Variants in ANO9 observed in about 807,000 individuals in gnomAD.
The protein encoded by ANO9 is anoctamin 9.
In ANO9, 80 loss-of-function variants were observed where a neutral mutation model predicts 100.5. The observed-to-expected ratio is 0.80, with a 90% CI of 0.66 to 0.96. The LOEUF is 0.96. Ranked by LOEUF, ANO9 falls within the 40% of genes least tolerant of loss-of-function variation. The pLI is 0.00. For synonymous variants in ANO9, 473 were observed against 435.6 expected (o/e 1.09, Z -1.07); for missense variants, 1,064 against 1,072.7 (o/e 0.99, Z 0.11).
chr11:422,513 G>A lies in ANO9; in HGVS notation c.1335-1315C>T, dbSNP rs1269060391. On this transcript the variant is annotated intron_variant, in intron 15 of 22. Transcript: ENST00000332826. This position sits in a 1 kb window ranked among gnomAD's most constrained non-coding sequence, Gnocchi z 4.3. ...ACAGGGAGCAGCTGGGAGCTGGCCT[G>A]ACTCAGAAGGAATCAGAAGGACTCA... Among the ~76,000 whole-genome samples the A allele has an allele frequency of 1.3e-5, 2 of 152,212 alleles. No individual in the cohort carries two copies. The highest frequency in any genetic ancestry group is 2.9e-5 in the Non-Finnish European group (2 of 68,042).
chr11:429,684 A>G, intron 10 of ANO9, 32 bp from the exon 11 acceptor site: 1 of 1,612,582 alleles, frequency 6.2e-7, no homozygotes, highest in Non-Finnish European at 8.5e-7. Context: ...GCATCACTGC[A>G]CTACGCCAGG....
intron 15 of ANO9, among the ~76,000 whole-genome samples, chr11:423,396 G>T (rs1848310240): frequency 6.6e-6 from 1 of 152,100 alleles, no homozygotes; most frequent in Non-Finnish European, 1.5e-5. Context: ...ATGGTGATGG[G>T]GATGGTTAGT....
At chr11:433,654 C>T (rs1212105722) in intron 3 of ANO9, among the ~76,000 whole-genome samples, 161 bp downstream of exon 3, 6 of 152,124 alleles carry the variant, frequency 3.9e-5, no homozygotes, top group African/African-American at 1.4e-4. Flanking sequence ...CCCCAATCCT[C>T]CAGCCCAGGA....
Position 430,036 on chromosome 11 carries a change from C to G in ANO9, c.771+47G>C, listed in dbSNP as rs369441724. Reference sequence around the variant, plus strand: ...TCTCCCCCGCTTCGGGTGGATGCACCGTTCCCATCTTCCGCAGGCCCTGGG... The same window carrying G: ...TCTCCCCCGCTTCGGGTGGATGCACGGTTCCCATCTTCCGCAGGCCCTGGG... On this transcript the variant is annotated intron_variant, in intron 9 of 22. Coordinates refer to ENST00000332826, the MANE Select transcript of ANO9 (RefSeq NM_001012302.3). 5.6e-4 allele frequency: 850 copies of G among 1,530,426 alleles called. 1 individual carries two copies. The highest frequency in any genetic ancestry group is 7.1e-4 in the Non-Finnish European group (806 of 1,131,494). The allele number at this position is 1,530,426 out of a possible 1,614,324, so 94.8% of individuals were successfully genotyped here.
At chr11:435,521 A>C (rs1374697109) in intron 1 of ANO9, among the ~76,000 whole-genome samples, 12 of 148,442 alleles carry the variant, frequency 8.1e-5, no homozygotes, top group Non-Finnish European at 1.5e-4. Flanking sequence ...CTAGTCTAGT[A>C]TGGTCTAGTC....
rs536007075 is a variant in ANO9 at position 441,844 on chromosome 11, G to A, written c.6+77C>T. ...CGCCTTCCAGGTGGGGCTGGCGGGG[G>A]GCTGGGGCCGGGGGCCCCAGGTGTG... is the stretch of plus-strand genomic sequence containing the variant. On this transcript the variant is annotated intron_variant, in intron 1 of 22. Coordinates refer to ENST00000332826, the MANE Select transcript of ANO9 (RefSeq NM_001012302.3). The A allele has an allele frequency of 5.0e-5, 77 of 1,553,746 alleles. No individual in the cohort carries two copies. In the East Asian group the frequency reaches 1.6e-3, roughly 32 times the overall value.
intron 19 of ANO9, 130 bp downstream of exon 19, chr11:420,333 A>C: frequency 6.8e-7 from 1 of 1,469,820 alleles, no homozygotes; most frequent in East Asian, 2.5e-5. Context: ...CCGTCGGAGA[A>C]GGGCTGGGGG....
At chr11:434,131 G>T in intron 1 of ANO9, 33 bp from the exon 2 acceptor site, 1 of 1,546,990 alleles carries the variant, frequency 6.5e-7, no homozygotes. Context: ...AGGGATAGGA[G>T]GATGTGATTG....
rs1848120285 is a variant in ANO9 at position 420,664 on chromosome 11, GACCCCCGCCCCGCATTCGTCTCCGCGA to G, written c.1633+27_1634-50del. 11 of 1,601,058 alleles carry G rather than the reference GACCCCCGCCCCGCATTCGTCTCCGCGA, an allele frequency of 6.9e-6. 1 individual carries two copies. The Middle Eastern group carries it at 8.3e-4, about 120-fold the overall frequency. ...CCGGCGCCCCGCACTCATGTCCGCG[GACCCCCGCCCCGCATTCGTCTCCGCGA>G]ACCCCCGCCCCGCAGCGCCCACGCA... On this transcript the variant is annotated intron_variant, in intron 18 of 22. Transcript: ENST00000332826.
At position 418,078 on chromosome 11, in the gene ANO9, C is replaced by G. The variant is rs555969920; in HGVS notation, c.*293G>C. 57 of 386,506 alleles carry G rather than the reference C, an allele frequency of 1.5e-4. No individual in the cohort carries two copies. The Admixed American group carries it at 2.0e-3, about 13-fold the overall frequency. 23.9% of individuals were successfully genotyped at this position (386,506 alleles called of 1,614,324 possible). A position where few individuals can be genotyped will look rare whatever the true frequency, so the allele number is the denominator to read the frequency against. On this transcript the variant is annotated 3_prime_UTR_variant, in exon 23 of 23. Coordinates refer to ENST00000332826, the MANE Select transcript of ANO9 (RefSeq NM_001012302.3). ...GTCAGAGGGAGGCCCAGGAAATTTG[C>G]GCCAGTTTTCCTGCCTTGTGGCTGC...
Position 422,652 on chromosome 11 carries a change from C to T in ANO9, c.1335-1454G>A, listed in dbSNP as rs1299606503. 6.6e-6 allele frequency among the ~76,000 whole-genome samples: 1 copy of T among 152,168 alleles called. No individual in the cohort carries two copies. The highest frequency in any genetic ancestry group is 2.4e-5 in the African/African-American group (1 of 41,440). The stretch of plus-strand genomic sequence containing the variant: ...TCCCCTGGAGCCTCCAGAAGGAGCC[C>T]AGCCCTGCTAACCCCTTAGTTTTCA... On this transcript the variant is annotated intron_variant, in intron 15 of 22. Transcript: ENST00000332826. This position sits in a 1 kb window ranked among gnomAD's most constrained non-coding sequence, Gnocchi z 4.3.
chr11:437,034 A>AGCGGGGGGTGAGCGGAGGGTGC (rs1554940301), intron 1 of ANO9, among the ~76,000 whole-genome samples: 1 of 39,162 alleles, frequency 2.6e-5, no homozygotes, highest in African/African-American at 1.4e-4. Flanking sequence ...GCGGGGGGTG[A>AGCGGGGGGTGAGCGGAGGGTGC]GCGGGGGGTG....
chr11:437,046 G>GGGGGGTGCGCGGGGGGTGCT (rs1376322589), intron 1 of ANO9, among the ~76,000 whole-genome samples: 2 of 140,954 alleles, frequency 1.4e-5, no homozygotes, highest in Non-Finnish European at 3.1e-5. Context: ...CGGGGGGTGC[G>GGGGGGTGCGCGGGGGGTGCT]TGGGGGGTGA....
intron 1 of ANO9, among the ~76,000 whole-genome samples, chr11:437,909 G>A (rs1845490821): frequency 6.6e-6 from 1 of 152,192 alleles, no homozygotes; most frequent in Non-Finnish European, 1.5e-5. Context: ...ATCAGCCTGG[G>A]CCGAAAGTTG....
chr11:438,460 GAC>G (rs1408158498), intron 1 of ANO9, among the ~76,000 whole-genome samples: 13 of 124,714 alleles, frequency 1.0e-4, no homozygotes, highest in African/African-American at 3.8e-4. Flanking sequence ...GCCACCCCCT[GAC>G]ACACACAGCC....
rs184989148 is a variant in ANO9, at chr11:428,197, T to A, written c.1225A>T (p.Met409Leu). 1 of 1,611,746 alleles carries A rather than the reference T, an allele frequency of 6.2e-7. No individual in the cohort carries two copies. The highest frequency in any genetic ancestry group is 2.2e-5 in the East Asian group (1 of 44,714). ...TCTCGCTCCGAGAAGGTCCTGGGCA[T>A]CTCTGGAATGGGACCGGCCCTCACC... Reference protein sequence around the residue: ...CVALKLCDFEMPRTFSERESR... With the variant: ...CVALKLCDFELPRTFSERESR... The change falls in exon 15 of 23, where the codon ATG (methionine) becomes TTG (leucine). Residue 409 changes from methionine (M) to leucine (L), a missense_variant and splice_region_variant. Met to Leu is a conservative substitution (Grantham distance 15). Coordinates refer to ENST00000332826, the MANE Select transcript of ANO9 (RefSeq NM_001012302.3).
At chr11:441,401 C>T (rs1466384133) in intron 1 of ANO9, among the ~76,000 whole-genome samples, 2 of 152,130 alleles carry the variant, frequency 1.3e-5, no homozygotes, top group Non-Finnish European at 2.9e-5. Flanking sequence ...CAGCAGCAGT[C>T]GGCCCCCACC....
chr11:425,518 A>G (rs1848459072), intron 15 of ANO9, among the ~76,000 whole-genome samples: 1 of 151,934 alleles, frequency 6.6e-6, no homozygotes, highest in African/African-American at 2.4e-5. Flanking sequence ...TATGATGCAA[A>G]GTAAAACATA....
At position 418,376 on chromosome 11, in the gene ANO9, C is replaced by T. The variant is rs139951213; in HGVS notation, c.2344G>A (p.Val782Met). 1.2e-5 allele frequency: 20 copies of T among 1,606,996 alleles called. No individual in the cohort carries two copies. Among genetic ancestry groups the T allele is most frequent in the Middle Eastern group, 1.7e-4 (1 of 5,824 alleles). ...ASIFSARSTD[V>M] ...CCTCTGGACGGGCTCTGGCCCTACA[C>T]GTCTGTGCTCCTGGCACTGAAGATG... The change falls in exon 23 of 23, where the codon GTG becomes ATG. Residue 782 changes from valine (V) to methionine (M), a missense_variant. By Grantham distance (21) the Val-to-Met change is conservative. Coordinates refer to ENST00000332826, the MANE Select transcript of ANO9 (RefSeq NM_001012302.3).
Sources: allele counts gnomAD v4.1 joint callset (sites outside exome capture counted in the v4.1 genomes callset), GRCh38; gene constraint gnomAD v4.1.1; non-coding constraint Gnocchi (gnomAD v3.1); transcripts MANE v1.5; gene names NCBI Gene and HGNC (gene_info 2026-07-23, HGNC 2026-07-21).